The following SLC14A2 variants were observed in gnomAD, a reference collection of about 807,000 sequenced individuals.
SLC14A2 encodes the protein urea transporter 2.
In SLC14A2, 91 loss-of-function variants were observed where a neutral mutation model predicts 104.6. The ratio of observed to expected loss-of-function variants is 0.87; its 90% CI spans 0.73 to 1.04. SLC14A2 has a LOEUF of 1.04. SLC14A2 is among the 50% of genes least tolerant of loss of function. SLC14A2 has a pLI of 0.00. For missense variants in SLC14A2, 1,189 were observed against 1,156.0 expected (o/e 1.03, Z -0.41); for synonymous variants, 476 against 466.4 (o/e 1.02, Z -0.27).
At chr18:45,612,595 CTAT>C (rs2044990526), upstream of SLC14A2, among the ~76,000 whole-genome samples, 1 of 152,336 alleles carries the variant, frequency 6.6e-6, no homozygotes, top group Admixed American at 6.5e-5. Context: ...GAGGTAGGCA[CTAT>C]TATTGTCCTC....
chr18:45,640,967 C>T (rs919444769), intron 7 of SLC14A2, among the ~76,000 whole-genome samples: 1 of 152,210 alleles, frequency 6.6e-6, no homozygotes, highest in African/African-American at 2.4e-5. Context: ...TGCCTCTTCT[C>T]ACCCAGGAGG....
At chr18:45,332,623 A>G (rs1349468017) in intron 1 of SLC14A2, among the ~76,000 whole-genome samples, 1 of 152,238 alleles carries the variant, frequency 6.6e-6, no homozygotes, top group Non-Finnish European at 1.5e-5. Context: ...AGAGGAAATA[A>G]GACAAATACA....
At chr18:45,202,714 C>G in the SLC14A2 span, among the ~76,000 whole-genome samples, 192 of 152,182 alleles carry the variant, frequency 1.3e-3, 1 homozygote, top group South Asian at 6.0e-3. Flanking sequence ...AAGTGGTTCT[C>G]TTGACCTCTT....
At chr18:45,560,717 G>GA (rs1379676757) in intron 2 of SLC14A2, among the ~76,000 whole-genome samples, 1 of 152,160 alleles carries the variant, frequency 6.6e-6, no homozygotes, top group Non-Finnish European at 1.5e-5. Context: ...TCTCTGAAAT[G>GA]AAAATAAAAT....
At chr18:45,417,452 A>G (rs1431929324) in intron 1 of SLC14A2, among the ~76,000 whole-genome samples, 2 of 152,186 alleles carry the variant, frequency 1.3e-5, no homozygotes, top group Non-Finnish European at 2.9e-5. Flanking sequence ...GAAACTTACA[A>G]TCGTGGCAGA....
At chr18:45,290,681 A>T (rs751063789) in intron 1 of SLC14A2, among the ~76,000 whole-genome samples, 10 of 152,250 alleles carry the variant, frequency 6.6e-5, no homozygotes, top group Non-Finnish European at 1.2e-4. Flanking sequence ...GAAAGCATGT[A>T]AACTATCTCG....
intron 1 of SLC14A2, among the ~76,000 whole-genome samples, chr18:45,338,513 C>T (rs1443701408): frequency 3.3e-5 from 5 of 151,656 alleles, no homozygotes; most frequent in Admixed American, 3.3e-4. Context: ...GTTATCCCAC[C>T]TCTTTAGCTG....
At chr18:45,534,256 C>T (rs1006249061) in intron 2 of SLC14A2, among the ~76,000 whole-genome samples, 1 of 152,088 alleles carries the variant, frequency 6.6e-6, no homozygotes, top group Non-Finnish European at 1.5e-5. Context: ...CAAGCCTTCA[C>T]TGAGGTTGGA....
chr18:45,449,402 A>G (rs1430646573), intron 1 of SLC14A2, among the ~76,000 whole-genome samples: 1 of 152,072 alleles, frequency 6.6e-6, no homozygotes, highest in Non-Finnish European at 1.5e-5. Context: ...CCATTTCCAA[A>G]ACACATTGTT....
At chr18:45,340,706 G>A (rs916918557) in intron 1 of SLC14A2, among the ~76,000 whole-genome samples, 2 of 152,230 alleles carry the variant, frequency 1.3e-5, no homozygotes, top group Non-Finnish European at 2.9e-5. Context: ...GTAGAGTAAT[G>A]AACTATAAGC....
Position 45,470,534 on chromosome 18 carries a change from G to T in SLC14A2, c.-124-12699G>T, listed in dbSNP as rs1465427362. ...TTTTTATCTTTCACTAACAGTTATG[G>T]TTTGTTATATTTTAATTTGGTTTGT... On this transcript the variant is annotated intron_variant, in intron 1 of 20. Coordinates refer to the SLC14A2 transcript ENST00000586448. 4.6e-5 allele frequency among the ~76,000 whole-genome samples: 7 copies of T among 151,992 alleles called. No homozygotes were observed. In the East Asian group the frequency reaches 9.6e-4, roughly 21 times the overall value.
chr18:45,359,286 G>T (rs530635845), intron 1 of SLC14A2, among the ~76,000 whole-genome samples: 3 of 152,324 alleles, frequency 2.0e-5, no homozygotes, highest in Admixed American at 6.5e-5. Context: ...AGAGTTTGGG[G>T]TCAGACTGTG....
chr18:45,583,818 A>G (rs1437499536), intron 2 of SLC14A2, among the ~76,000 whole-genome samples: 3 of 152,208 alleles, frequency 2.0e-5, no homozygotes, highest in Non-Finnish European at 4.4e-5. Context: ...TACCATCCTG[A>G]CCTCACTAAA....
At chr18:45,361,249 T>TG (rs2085607848) in intron 1 of SLC14A2, among the ~76,000 whole-genome samples, 1 of 152,220 alleles carries the variant, frequency 6.6e-6, no homozygotes, top group Non-Finnish European at 1.5e-5. Context: ...TAGAAGAGAC[T>TG]GGGTTTCATT....
chr18:45,420,282 T>A (rs1254258404), intron 1 of SLC14A2, among the ~76,000 whole-genome samples: 1 of 152,152 alleles, frequency 6.6e-6, no homozygotes, highest in African/African-American at 2.4e-5. Context: ...TTATTCAAGA[T>A]ACTAAGCAAG....
chr18:45,291,711 G>A (rs1346342673), intron 1 of SLC14A2, among the ~76,000 whole-genome samples: 3 of 151,882 alleles, frequency 2.0e-5, no homozygotes, highest in African/African-American at 4.8e-5. Context: ...CTTTGTGGAC[G>A]TTCCTCCCCC....
At chr18:45,353,172 G>A (rs548537579) in intron 1 of SLC14A2, among the ~76,000 whole-genome samples, 19 of 152,304 alleles carry the variant, frequency 1.2e-4, no homozygotes, top group East Asian at 9.6e-4. Context: ...GTTACCGTTC[G>A]TCCACAAGGA....
chr18:45,533,092 C>T (rs1176994803), intron 2 of SLC14A2, among the ~76,000 whole-genome samples: 3 of 152,114 alleles, frequency 2.0e-5, no homozygotes, highest in African/African-American at 4.8e-5. Context: ...CTGCTGGATT[C>T]GGTTTGCCAG....
At chr18:45,218,568 G>C (rs984255653) in intron 1 of SLC14A2, among the ~76,000 whole-genome samples, 2 of 152,174 alleles carry the variant, frequency 1.3e-5, no homozygotes, top group Admixed American at 6.6e-5. Context: ...ATGCCATGTG[G>C]TACCCACCAG....
Sources: allele counts gnomAD v4.1 joint callset (sites outside exome capture counted in the v4.1 genomes callset), GRCh38; gene constraint gnomAD v4.1.1; transcripts MANE v1.5; gene names NCBI Gene and HGNC (gene_info 2026-07-23, HGNC 2026-07-21).